The following PLCB1 variants were observed in gnomAD, a reference collection of about 807,000 sequenced individuals.
PLCB1 encodes 1-phosphatidylinositol 4,5-bisphosphate phosphodiesterase beta-1.
PLCB1 carries 46 observed loss-of-function variants against 161.8 expected under a neutral mutation model. The observed-to-expected ratio is 0.28, with a 90% CI of 0.22 to 0.36. The LOEUF (loss-of-function observed/expected upper bound fraction) is 0.36, where lower values mean the gene tolerates loss of function less well. PLCB1 is among the 10% of genes least tolerant of loss of function. The probability of loss-of-function intolerance (pLI) is 1.00; values close to 1 mark genes in which losing one functional copy is unlikely to be tolerated. For missense variants in PLCB1, 1,016 were observed against 1,472.5 expected, an observed-to-expected ratio of 0.69 and a Z score of 5.07; for synonymous variants, 517 against 503.7, an observed-to-expected ratio of 1.03 and a Z score of -0.35.
At chr20:8,475,217 T>G (rs1284057712) in intron 3 of PLCB1, among the ~76,000 whole-genome samples, 1 of 152,150 alleles carries the variant, frequency 6.6e-6, no homozygotes, top group Non-Finnish European at 1.5e-5. Context: ...AAAATACACT[T>G]TATTCATTTG....
At chr20:8,717,592 C>G (rs1448712787) in intron 13 of PLCB1, 79 bp from the exon 14 acceptor site, 86 of 1,102,256 alleles carry the variant, frequency 7.8e-5, no homozygotes, top group African/African-American at 1.4e-4. Flanking sequence ...TTGGTATCCA[C>G]AGCTGATCTG....
In PLCB1 at chr20:8,684,974, A is replaced by G. The variant is rs774418267; in HGVS notation, c.905A>G (p.Glu302Gly). The G allele has an allele frequency of 1.5e-5, 24 of 1,613,794 alleles. No homozygotes were observed. Among genetic ancestry groups the G allele is most frequent in the Non-Finnish European group, 2.0e-5 (24 of 1,179,812 alleles). ...GGGTTCATGCGCTATCTGAGTGGAG[A>G]AGAAAACGGAGTCGTTTCACCTGAG... is the stretch of plus-strand genomic sequence containing the variant. ...VDGFMRYLSG[E>G]ENGVVSPEKL... The change falls in exon 10 of 32, where the codon GAA (glutamate) becomes GGA (glycine). Residue 302 changes from glutamate to glycine, a missense_variant. Glu to Gly is a moderately conservative substitution (Grantham distance 98, BLOSUM62 -2). Around this residue, in one of 10 missense-constraint regions of PLCB1, gnomAD observed 117 missense variants for 142.2 expected, o/e 0.82. Transcript: ENST00000338037.
chr20:8,857,037 T>C (rs1327968133), intron 31 of PLCB1, among the ~76,000 whole-genome samples: 1 of 152,190 alleles, frequency 6.6e-6, no homozygotes, highest in Non-Finnish European at 1.5e-5. Flanking sequence ...CGCTTTCATG[T>C]TTGAGGGTCA....
At chr20:8,606,878 T>A (rs1364313835) in intron 3 of PLCB1, among the ~76,000 whole-genome samples, 1 of 152,172 alleles carries the variant, frequency 6.6e-6, no homozygotes, top group African/African-American at 2.4e-5. Flanking sequence ...TTGTTAAAAA[T>A]TTCCCTTTCT....
At chr20:8,855,043 C>A (rs1348822058) in intron 31 of PLCB1, among the ~76,000 whole-genome samples, 1 of 152,140 alleles carries the variant, frequency 6.6e-6, no homozygotes, top group African/African-American at 2.4e-5. Flanking sequence ...TTTAAAATTT[C>A]TCTCTGTTGC....
At chr20:8,584,513 G>A (rs1055007974) in intron 3 of PLCB1, among the ~76,000 whole-genome samples, 2 of 120,266 alleles carry the variant, frequency 1.7e-5, no homozygotes, top group South Asian at 3.4e-4. Flanking sequence ...CACACGTGGA[G>A]CCCCCATCCA....
intron 3 of PLCB1, among the ~76,000 whole-genome samples, chr20:8,576,534 T>C (rs1258698866): frequency 2.0e-5 from 3 of 152,230 alleles, no homozygotes; most frequent in Non-Finnish European, 4.4e-5. Flanking sequence ...CAGTTTTTAG[T>C]GTAAATATAC....
intron 11 of PLCB1, among the ~76,000 whole-genome samples, chr20:8,703,211 G>C (rs1353992000): frequency 2.0e-5 from 3 of 152,112 alleles, no homozygotes; most frequent in African/African-American, 4.8e-5. Context: ...TACCTCCTAG[G>C]GTGGTTGTAA....
chr20:8,608,760 G>A (rs369256034), intron 3 of PLCB1, among the ~76,000 whole-genome samples: 19 of 152,310 alleles, frequency 1.2e-4, no homozygotes, highest in Admixed American at 6.5e-4. Context: ...ATGAAGGAAT[G>A]AGGATAAGAA....
chr20:8,501,020 C>T (rs1339415401), intron 3 of PLCB1, among the ~76,000 whole-genome samples: 1 of 152,092 alleles, frequency 6.6e-6, no homozygotes, highest in African/African-American at 2.4e-5. Context: ...CTCAGATACC[C>T]CAACAGTTCA....
chr20:8,566,289 T>C (rs1250406452), intron 3 of PLCB1, among the ~76,000 whole-genome samples: 1 of 152,124 alleles, frequency 6.6e-6, no homozygotes, highest in Non-Finnish European at 1.5e-5. Context: ...ATGTAGCAAG[T>C]GAATGGGTGG....
intron 2 of PLCB1, among the ~76,000 whole-genome samples, chr20:8,363,163 T>C (rs1986597668): frequency 1.3e-5 from 2 of 152,154 alleles, no homozygotes; most frequent in African/African-American, 4.8e-5. Context: ...AACAATGGGG[T>C]TAGTGTATTA....
At chr20:8,450,964 T>A (rs1251498394) in intron 3 of PLCB1, among the ~76,000 whole-genome samples, 1 of 152,194 alleles carries the variant, frequency 6.6e-6, no homozygotes, top group Non-Finnish European at 1.5e-5. Context: ...TTTGGCAAAT[T>A]TGTATGCAGT....
chr20:8,159,988 CAAAAAAAA>C (rs375028388), intron 2 of PLCB1, among the ~76,000 whole-genome samples: 1 of 79,330 alleles, frequency 1.3e-5, no homozygotes, highest in African/African-American at 4.4e-5. Flanking sequence ...AACTCCATCT[CAAAAAAAA>C]AAAAAAAAAA....
intron 3 of PLCB1, among the ~76,000 whole-genome samples, chr20:8,412,010 C>T (rs989579960): frequency 3.5e-4 from 53 of 151,402 alleles, no homozygotes; most frequent in African/African-American, 1.1e-3. Context: ...GCAACAACAG[C>T]AAAGACTCCG....
At chr20:8,746,449 GA>G (rs1210414720) in intron 23 of PLCB1, among the ~76,000 whole-genome samples, 1 of 151,982 alleles carries the variant, frequency 6.6e-6, no homozygotes, top group Non-Finnish European at 1.5e-5. Flanking sequence ...GAGAAGTAAA[GA>G]AAAAAATAAT....
chr20:8,276,391 T>C (rs767521806), intron 2 of PLCB1, among the ~76,000 whole-genome samples: 5 of 152,234 alleles, frequency 3.3e-5, no homozygotes, highest in Non-Finnish European at 5.9e-5. Context: ...CTTTGCTACA[T>C]GTAGAGTGCT....
intron 3 of PLCB1, among the ~76,000 whole-genome samples, chr20:8,454,158 A>G (rs1443481782): frequency 6.6e-6 from 1 of 152,160 alleles, no homozygotes; most frequent in African/African-American, 2.4e-5. Flanking sequence ...TAAGCCATCC[A>G]GTCTGTGGTG....
chr20:8,782,432 G>A (rs1983286421), intron 27 of PLCB1, among the ~76,000 whole-genome samples: 1 of 152,096 alleles, frequency 6.6e-6, no homozygotes. Flanking sequence ...TAGCTTTGTT[G>A]CCCAGGCTGG....
Sources: allele counts gnomAD v4.1 joint callset (sites outside exome capture counted in the v4.1 genomes callset), GRCh38; gene constraint gnomAD v4.1.1; regional missense constraint gnomAD v4.1.1; transcripts MANE v1.5; gene names NCBI Gene and HGNC (gene_info 2026-07-23, HGNC 2026-07-21).